DNAH12: variants seen among roughly 807,000 people sequenced by gnomAD.
The protein encoded by DNAH12 is axonemal beta dynein heavy chain 12.
In DNAH12, 285 loss-of-function variants were observed where a neutral mutation model predicts 371.5. The observed-to-expected ratio is 0.77, with a 90% CI of 0.70 to 0.85. The LOEUF is 0.85. DNAH12 is among the 40% of genes least tolerant of loss of function. The pLI is 0.00. For synonymous variants in DNAH12, 1,200 were observed against 1,213.0 expected (o/e 0.99, Z 0.22); for missense variants, 3,611 against 3,689.4 (o/e 0.98, Z 0.55).
At chr3:57,410,398 GA>G (rs1215904632) in intron 39 of DNAH12, among the ~76,000 whole-genome samples, 2 of 152,076 alleles carry the variant, frequency 1.3e-5, no homozygotes, top group Admixed American at 1.3e-4. Context: ...TACATAAGAA[GA>G]AAACCTTAAC....
chr3:57,298,663 C>T (rs2061282213), intron 70 of DNAH12, among the ~76,000 whole-genome samples: 1 of 152,220 alleles, frequency 6.6e-6, no homozygotes, highest in Admixed American at 6.5e-5. Flanking sequence ...TTTGCAGTAT[C>T]TAAACCATTC....
At chr3:57,434,616 T>C (rs1223300399) in intron 30 of DNAH12, among the ~76,000 whole-genome samples, 1 of 152,152 alleles carries the variant, frequency 6.6e-6, no homozygotes, top group Non-Finnish European at 1.5e-5. Flanking sequence ...AAAAACCTAA[T>C]GTGGCATTGG....
intron 59 of DNAH12, among the ~76,000 whole-genome samples, 195 bp downstream of exon 59, chr3:57,356,981 G>A (rs1423040550): frequency 6.6e-6 from 1 of 151,948 alleles, no homozygotes; most frequent in African/African-American, 2.4e-5. Context: ...GACCTCAAGT[G>A]ATCTGCCTGC....
the DNAH12 span, among the ~76,000 whole-genome samples, chr3:57,551,304 C>T: frequency 6.6e-6 from 1 of 151,846 alleles, no homozygotes; most frequent in Non-Finnish European, 1.5e-5. Flanking sequence ...TGGAGTCTCG[C>T]TCTGTCGCCC....
chr3:57,308,828 T>A (rs1021063611), intron 69 of DNAH12, among the ~76,000 whole-genome samples: 9 of 152,150 alleles, frequency 5.9e-5, no homozygotes, highest in African/African-American at 2.2e-4. Context: ...CTGTTTTTCT[T>A]CTTCTCTTAT....
At position 57,322,338 on chromosome 3, in the gene DNAH12, A is replaced by ACCT. The variant is rs1559551953; in HGVS notation, c.10524+4_10524+5insAGG. The ACCT allele has an allele frequency of 6.5e-7, 1 of 1,548,460 alleles. No homozygotes were observed. Among genetic ancestry groups the ACCT allele is most frequent in the Non-Finnish European group, 8.7e-7 (1 of 1,145,730 alleles). On this transcript the variant is annotated splice_donor_region_variant and intron_variant, in intron 65 of 73. Coordinates refer to ENST00000495027, the MANE Select transcript of DNAH12 (RefSeq NM_001366028.2). ...ATTTTAAAAGTTCCAAAAGATGAAT[A>ACCT]TTACCAGTTCCTTTCCACGGCATCC...
At chr3:57,341,479 G>T (rs1260678657) in intron 60 of DNAH12, among the ~76,000 whole-genome samples, 1 of 151,980 alleles carries the variant, frequency 6.6e-6, no homozygotes, top group Non-Finnish European at 1.5e-5. Context: ...AAGAAATCAA[G>T]AAAGTAATTC....
chr3:57,539,679 T>A (rs1262878499), intron 2 of DNAH12, among the ~76,000 whole-genome samples: 1 of 145,482 alleles, frequency 6.9e-6, no homozygotes, highest in Admixed American at 7.2e-5. Context: ...AGTGGCACAA[T>A]CTTGGCTCAC....
At chr3:57,426,008 C>G (rs535150204) in intron 34 of DNAH12, among the ~76,000 whole-genome samples, 47 of 151,984 alleles carry the variant, frequency 3.1e-4, no homozygotes, top group African/African-American at 1.1e-3. Context: ...AGGAGGAAAA[C>G]GGGAGAGAGA....
At chr3:57,386,651 C>G (rs983070041) in intron 46 of DNAH12, 48 bp from the exon 47 acceptor site, 9 of 152,134 alleles carry the variant, frequency 5.9e-5, no homozygotes, top group African/African-American at 2.2e-4. Flanking sequence ...ATGGATTTCA[C>G]AAAAAGGTAA....
chr3:57,464,946 T>C (rs1276034349), intron 17 of DNAH12, among the ~76,000 whole-genome samples: 3 of 152,226 alleles, frequency 2.0e-5, no homozygotes, highest in Admixed American at 2.0e-4. Context: ...CCTATATCTA[T>C]TAAAGAAATT....
At chr3:57,458,828 G>A (rs756054824) in intron 20 of DNAH12, among the ~76,000 whole-genome samples, 36 of 152,250 alleles carry the variant, frequency 2.4e-4, no homozygotes, top group Middle Eastern at 3.4e-3. Context: ...GATCTGTCCT[G>A]CAAAGCCTAA....
intron 50 of DNAH12, among the ~76,000 whole-genome samples, 153 bp from the exon 51 acceptor site, chr3:57,380,520 C>G (rs1257317373): frequency 1.3e-5 from 2 of 152,202 alleles, no homozygotes; most frequent in African/African-American, 4.8e-5. Flanking sequence ...GTCGCCCAGG[C>G]TGGAGTACTG....
Position 57,408,356 on chromosome 3 carries a change from G to C in DNAH12, c.6200C>G (p.Ala2067Gly). The C allele has an allele frequency of 6.4e-7, 1 of 1,551,516 alleles. No homozygotes were observed. Among genetic ancestry groups the C allele is most frequent in the Non-Finnish European group, 8.7e-7 (1 of 1,146,850 alleles). Residue 2067 changes from alanine (A) to glycine (G), a missense_variant, in exon 40 of 74, where the codon GCA (alanine) becomes GGA (glycine). Around this residue, in one of 3 missense-constraint regions of DNAH12, gnomAD observed 2,266 missense variants for 2,236.9 expected, o/e 1.01. Transcript: ENST00000495027. ...AAATTCATGAGTTCTAAGGTAGAAT[G>C]CTACAATAGATGAGAAGATTCGGAC... ...TMVRIFSSIV[A>G]FYLRTHEFPP...
Position 57,413,848 on chromosome 3 carries a change from T to C in DNAH12, c.5918A>G (p.Lys1973Arg), listed in dbSNP as rs573092978. 3 of 1,551,246 alleles carry C rather than the reference T, an allele frequency of 1.9e-6. No homozygotes were observed. The highest frequency in any genetic ancestry group is 2.7e-5 in the African/African-American group (2 of 73,160). Residue 1973 changes from lysine to arginine, a missense_variant, in exon 39 of 74, where the codon AAG (lysine) becomes AGG (arginine). By Grantham distance (26) the Lys-to-Arg change is conservative (BLOSUM62 2). This residue lies in a region of DNAH12 where 2,266 missense variants were observed against 2,236.9 expected (regional missense o/e 1.01). Coordinates refer to ENST00000495027, the MANE Select transcript of DNAH12 (RefSeq NM_001366028.2). ...KGVFGPPMGK[K>R]CIIFIDDMNM... The stretch of plus-strand genomic sequence containing the variant: ...CATATCATCTATAAAAATTATACAC[T>C]TCTTTCCCATAGGTGGTCCAAAGAC...
chr3:57,448,086 C>T (rs540801942), intron 25 of DNAH12, among the ~76,000 whole-genome samples: 1 of 152,296 alleles, frequency 6.6e-6, no homozygotes, highest in Non-Finnish European at 1.5e-5. Flanking sequence ...CAAACATGTT[C>T]CCTTTATTGT....
At chr3:57,436,096 A>T (rs2065114265) in intron 30 of DNAH12, among the ~76,000 whole-genome samples, 1 of 151,888 alleles carries the variant, frequency 6.6e-6, no homozygotes. Flanking sequence ...AGAAGAATTA[A>T]ACTGGAAAGC....
chr3:57,538,810 G>C (rs1485849849), intron 2 of DNAH12, among the ~76,000 whole-genome samples: 1 of 152,072 alleles, frequency 6.6e-6, no homozygotes, highest in East Asian at 1.9e-4. Flanking sequence ...CTACATGCTG[G>C]TGACTCCCAA....
Position 57,483,513 on chromosome 3 carries a change from T to A in DNAH12, c.1515-2A>T, listed in dbSNP as rs749029442. ...ATTGCTTCAAATTCACTGCAAATAC[T>A]GACATAATACTCTGCTTTAATAGAC... On this transcript the variant is annotated splice_acceptor_variant, in intron 12 of 73. Coordinates refer to ENST00000495027, the MANE Select transcript of DNAH12 (RefSeq NM_001366028.2). LOFTEE classifies it high-confidence loss of function. The A allele has an allele frequency of 1.0e-5, 16 of 1,548,888 alleles. No individual in the cohort carries two copies. The South Asian group carries it at 1.9e-4, about 19-fold the overall frequency.
Sources: gnomAD v4.1 joint callset for allele counts (sites outside exome capture counted in the v4.1 genomes callset) on GRCh38, gnomAD v4.1.1 for gene constraint, gnomAD v4.1.1 regional missense constraint, MANE v1.5 for transcripts, NCBI Gene and HGNC (gene_info 2026-07-23, HGNC 2026-07-21) for gene names.